The following ZNF99 variants were observed in gnomAD, a reference collection of about 807,000 sequenced individuals.
ZNF99 encodes the protein zinc finger protein ENSP00000375192.
A neutral mutation model predicts 12.8 loss-of-function variants in ZNF99; 8 were observed. That is an observed-to-expected ratio of 0.62 (90% CI 0.37 to 1.13). ZNF99 has a LOEUF of 1.13. ZNF99 is among the 50% of genes most tolerant of loss of function. ZNF99 has a pLI of 0.02. For synonymous variants in ZNF99, 318 were observed against 319.0 expected (o/e 1.00, Z 0.03); for missense variants, 1,007 against 1,006.2 (o/e 1.00, Z -0.01).
intron 3 of ZNF99, among the ~76,000 whole-genome samples, chr19:22,763,253 G>C (rs1234355457): frequency 6.6e-6 from 1 of 152,152 alleles, no homozygotes; most frequent in Non-Finnish European, 1.5e-5. Context: ...TTTCAAGAAA[G>C]CTCCTAGAAG....
chr19:22,773,143 A>AT (rs1311170138), intron 1 of ZNF99, among the ~76,000 whole-genome samples: 1 of 152,236 alleles, frequency 6.6e-6, no homozygotes, highest in African/African-American at 2.4e-5. Flanking sequence ...TTCTGCCTGC[A>AT]TATTTAGGGG....
chr19:22,774,480 A>T (rs1973304361), intron 1 of ZNF99: 1 of 152,202 alleles, frequency 6.6e-6, no homozygotes, highest in Admixed American at 6.5e-5. Context: ...AGCTTGCCAC[A>T]TAGCTAACTA....
chr19:22,760,712 C>G, intron 3 of ZNF99, among the ~76,000 whole-genome samples: 1 of 152,036 alleles, frequency 6.6e-6, no homozygotes, highest in African/African-American at 2.4e-5. Flanking sequence ...CCACTGCACT[C>G]CAGCCTGGGC....
intron 1 of ZNF99, among the ~76,000 whole-genome samples, chr19:22,778,109 A>G (rs756842658): frequency 1.6e-4 from 24 of 151,170 alleles, no homozygotes; most frequent in Admixed American, 3.3e-4. Flanking sequence ...ACATGTATAC[A>G]TATGTAACAA....
chr19:22,783,384 T>A (rs1330476409), intron 1 of ZNF99, among the ~76,000 whole-genome samples: 1 of 152,060 alleles, frequency 6.6e-6, no homozygotes, highest in East Asian at 1.9e-4. Context: ...TAAACTACAA[T>A]TAACCTCTGA....
intron 1 of ZNF99, among the ~76,000 whole-genome samples, chr19:22,775,464 T>C (rs1973315614): frequency 6.6e-6 from 1 of 152,178 alleles, no homozygotes; most frequent in South Asian, 2.1e-4. Flanking sequence ...CCCTTGAAGA[T>C]AACCTAGAAA....
chr19:22,767,426 T>C (rs1468690742), intron 3 of ZNF99, among the ~76,000 whole-genome samples: 1 of 152,180 alleles, frequency 6.6e-6, no homozygotes, highest in African/African-American at 2.4e-5. Flanking sequence ...AAAAAATCTA[T>C]ATTTCATGCA....
chr19:22,765,529 A>G (rs1973194306), intron 3 of ZNF99, among the ~76,000 whole-genome samples: 1 of 152,010 alleles, frequency 6.6e-6, no homozygotes, highest in African/African-American at 2.4e-5. Context: ...AGGTTACTTG[A>G]AGACGAAAAA....
chr19:22,756,623 ACGGTTTCTCCC>A lies in ZNF99; in HGVS notation c.*680_*690del, dbSNP rs760666998. 1.0e-5 allele frequency: 16 copies of A among 1,597,142 alleles called. No individual in the cohort carries two copies. The Middle Eastern group carries it at 5.0e-4, about 50-fold the overall frequency. ...GCTTTGCCACATTCTTCACATTTGT[ACGGTTTCTCCC>A]CAGTATGAATTATCTTATGTTTCAT... On this transcript the variant is annotated 3_prime_UTR_variant, in exon 4 of 4. Transcript: ENST00000596209.
At chr19:22,762,532 G>C (rs998284891) in intron 3 of ZNF99, among the ~76,000 whole-genome samples, 7 of 152,104 alleles carry the variant, frequency 4.6e-5, no homozygotes, top group African/African-American at 1.7e-4. Flanking sequence ...GGACCAGACA[G>C]TATGCAGCAG....
intron 1 of ZNF99, 127 bp downstream of exon 1, chr19:22,783,887 T>TG: frequency 7.8e-7 from 1 of 1,287,532 alleles, no homozygotes; most frequent in East Asian, 2.3e-5. Flanking sequence ...GAGGCCGAGC[T>TG]GGGCAAGAGC....
In ZNF99 at chr19:22,756,305, G is replaced by A; in HGVS notation, c.*1009C>T. 6.4e-7 allele frequency: 1 copy of A among 1,572,600 alleles called. No individual in the cohort carries two copies. The highest frequency in any genetic ancestry group is 1.1e-5 in the South Asian group (1 of 88,584). On this transcript the variant is annotated 3_prime_UTR_variant, in exon 4 of 4. Transcript: ENST00000596209. ...TTCACATTTGTAGGTTTTCCCTCCA[G>A]TATGAATTGTTTTATGTTGAGTAAG...
intron 3 of ZNF99, among the ~76,000 whole-genome samples, chr19:22,762,420 C>T (rs1369997634): frequency 6.6e-6 from 1 of 151,930 alleles, no homozygotes; most frequent in Non-Finnish European, 1.5e-5. Context: ...AAAATGCAAC[C>T]CACCCAGCTT....
rs753494413 is a variant in ZNF99, at chr19:22,756,155, G to A, written c.*1159C>T. 6.7e-7 allele frequency: 1 copy of A among 1,493,014 alleles called. No homozygotes were observed. The highest frequency in any genetic ancestry group is 9.0e-7 in the Non-Finnish European group (1 of 1,106,456). The allele number at this position is 1,493,014 out of a possible 1,614,324, so 92.5% of individuals were successfully genotyped here. A position where few individuals can be genotyped will look rare whatever the true frequency, so the allele number is the denominator to read the frequency against. On this transcript the variant is annotated 3_prime_UTR_variant, in exon 4 of 4. Transcript: ENST00000596209. ...GTCTCTAGTATAAATTATCTTATGT[G>A]TATTAAGGTTTGTAAAATGGTTGAA...
intron 1 of ZNF99, 112 bp from the exon 2 acceptor site, chr19:22,769,436 G>T: frequency 8.3e-7 from 1 of 1,203,832 alleles, no homozygotes; most frequent in Non-Finnish European, 1.1e-6. Flanking sequence ...TAACTTACAG[G>T]GATGACTGAA....
At position 22,758,048 on chromosome 19, in the gene ZNF99, A is replaced by T. The variant is rs1973094161; in HGVS notation, c.1861T>A (p.Tyr621Asn). 6.2e-7 allele frequency: 1 copy of T among 1,610,036 alleles called. No individual in the cohort carries two copies. The highest frequency in any genetic ancestry group is 8.5e-7 in the Non-Finnish European group (1 of 1,177,328). The stretch of plus-strand genomic sequence containing the variant: ...GCTTTGCCACATTCTTCACATTTGT[A>T]GGGTTTCTTTCCAGTATGAATTATC... ...HQIIHTGKKP[Y>N]KCEECGKAFS... The change falls in exon 4 of 4, where the codon TAC becomes AAC. Residue 621 changes from tyrosine to asparagine, a missense_variant. By Grantham distance (143) the Tyr-to-Asn change is moderately radical (BLOSUM62 -2). Coordinates refer to ENST00000596209, the MANE Select transcript of ZNF99 (RefSeq NM_001080409.3).
intron 3 of ZNF99, among the ~76,000 whole-genome samples, chr19:22,761,887 T>A (rs1973154585): frequency 6.6e-6 from 1 of 152,130 alleles, no homozygotes; most frequent in Admixed American, 6.5e-5. Flanking sequence ...TCCTGAATAA[T>A]CATTGGGTCA....
chr19:22,762,144 C>G (rs1300408831), intron 3 of ZNF99, among the ~76,000 whole-genome samples: 1 of 151,530 alleles, frequency 6.6e-6, no homozygotes, highest in African/African-American at 2.4e-5. Flanking sequence ...ACAGTCAGAG[C>G]AGAATGAAAT....
Position 22,755,264 on chromosome 19 carries a change from C to T in ZNF99, c.*2050G>A. On this transcript the variant is annotated 3_prime_UTR_variant, in exon 4 of 4. Transcript: ENST00000596209. ...CTAATAAAGTTTAACTGATTAAAAG[C>T]ATTGCCACATTCTTCACATTTCTAG... The T allele has an allele frequency of 3.8e-6, 1 of 260,058 alleles. No homozygotes were observed. The highest frequency in any genetic ancestry group is 7.9e-6 in the Non-Finnish European group (1 of 125,952). The allele number at this position is 260,058 out of a possible 1,614,324, so 16.1% of individuals were successfully genotyped here. A position where few individuals can be genotyped will look rare whatever the true frequency, so the allele number is the denominator to read the frequency against.
Sources: gnomAD v4.1 joint callset for allele counts (sites outside exome capture counted in the v4.1 genomes callset) on GRCh38, gnomAD v4.1.1 for gene constraint, MANE v1.5 for transcripts, NCBI Gene and HGNC (gene_info 2026-07-23, HGNC 2026-07-21) for gene names.